INSL6: variants seen among roughly 807,000 people sequenced by gnomAD.
INSL6 encodes insulin-like peptide INSL6.
In INSL6, 16 loss-of-function variants were observed where a neutral mutation model predicts 9.4. The observed-to-expected ratio is 1.70, with a 90% confidence interval of 1.15 to 2.59. The LOEUF is 2.59. INSL6 is among the 30% of genes most tolerant of loss of function. INSL6 has a pLI of 0.00. For missense variants in INSL6, 391 were observed against 257.3 expected (o/e 1.52, Z -3.56); for synonymous variants, 154 against 96.9 (o/e 1.59, Z -3.46).
chr9:5,182,015 C>T (rs1300450550), intron 1 of INSL6, among the ~76,000 whole-genome samples: 2 of 152,132 alleles, frequency 1.3e-5, no homozygotes, highest in Non-Finnish European at 2.9e-5. Flanking sequence ...TGATACTCCT[C>T]AGGCAAATTA....
downstream of INSL6, among the ~76,000 whole-genome samples, chr9:5,121,369 G>T (rs550488771): frequency 9.2e-5 from 14 of 152,282 alleles, no homozygotes; most frequent in South Asian, 2.9e-3. Context: ...AGACTTGACA[G>T]CACTATTTGC....
the INSL6 span, chr9:5,100,631 G>A: frequency 6.6e-6 from 1 of 152,234 alleles, no homozygotes; most frequent in Non-Finnish European, 1.5e-5. Flanking sequence ...GTACCTTTCT[G>A]AATACATCTG....
chr9:5,007,392 C>T, the INSL6 span, among the ~76,000 whole-genome samples: 1 of 151,942 alleles, frequency 6.6e-6, no homozygotes, highest in Non-Finnish European at 1.5e-5. Flanking sequence ...AGTTATTTTT[C>T]TGTATATGCT....
the INSL6 span, among the ~76,000 whole-genome samples, chr9:5,015,223 C>T: frequency 6.6e-6 from 1 of 152,078 alleles, no homozygotes; most frequent in Admixed American, 6.6e-5. Flanking sequence ...GAAGCTGAGG[C>T]GCAATGAATA....
the INSL6 span, among the ~76,000 whole-genome samples, chr9:5,076,895 T>C: frequency 6.6e-6 from 1 of 152,132 alleles, no homozygotes; most frequent in Non-Finnish European, 1.5e-5. Flanking sequence ...AGGATTGTTT[T>C]TGGAAGCCAA....
chr9:5,086,245 G>T, the INSL6 span: 2 of 564,526 alleles, frequency 3.5e-6, no homozygotes, highest in Non-Finnish European at 4.6e-6. Context: ...AGTCGCGGTA[G>T]GATGGTGGCT....
chr9:5,057,214 G>C, the INSL6 span, among the ~76,000 whole-genome samples: 1 of 149,120 alleles, frequency 6.7e-6, no homozygotes, highest in Non-Finnish European at 1.5e-5. Context: ...TTTTTCTGTT[G>C]TTTATTAAAA....
chr9:5,016,909 C>T, the INSL6 span, among the ~76,000 whole-genome samples: 14 of 152,102 alleles, frequency 9.2e-5, no homozygotes, highest in South Asian at 2.1e-4. Context: ...TAGCATTTGA[C>T]GGCATAGTAG....
the INSL6 span, among the ~76,000 whole-genome samples, chr9:5,087,511 A>C: frequency 7.7e-6 from 1 of 129,718 alleles, no homozygotes; most frequent in African/African-American, 3.5e-5. Context: ...CCTATCTCAA[A>C]CCCTTCTGGT....
the INSL6 span, chr9:5,098,720 G>C: frequency 3.3e-5 from 5 of 149,816 alleles, no homozygotes; most frequent in Admixed American, 2.0e-4. Context: ...TTGAGACAGA[G>C]TCTCGCTCTG....
chr9:5,075,726 C>G, the INSL6 span, among the ~76,000 whole-genome samples: 2 of 152,188 alleles, frequency 1.3e-5, no homozygotes, highest in Non-Finnish European at 2.9e-5. Flanking sequence ...GGTGACACAA[C>G]ATCCATTCTG....
At chr9:5,052,648 T>A in the INSL6 span, among the ~76,000 whole-genome samples, 2 of 152,088 alleles carry the variant, frequency 1.3e-5, no homozygotes, top group East Asian at 3.8e-4. Flanking sequence ...TCAGTCCTCA[T>A]CCCACTTTCC....
chr9:5,025,538 CTT>C, the INSL6 span, among the ~76,000 whole-genome samples: 4 of 140,320 alleles, frequency 2.9e-5, no homozygotes, highest in African/African-American at 2.6e-5. Flanking sequence ...AGTTTGTTTC[CTT>C]TTTTTTTTTT....
At chr9:5,170,447 C>T (rs1455263957) in intron 1 of INSL6, among the ~76,000 whole-genome samples, 2 of 151,818 alleles carry the variant, frequency 1.3e-5, no homozygotes, top group Non-Finnish European at 2.9e-5. Flanking sequence ...AAGTAGAGAA[C>T]CAAGAGCAAA....
At chr9:5,041,060 C>T in the INSL6 span, 17 of 687,180 alleles carry the variant, frequency 2.5e-5, no homozygotes, top group Non-Finnish European at 4.5e-5. Context: ...CCATAGAGGG[C>T]GTCCCTCAGG....
At chr9:5,048,557 A>G in the INSL6 span, among the ~76,000 whole-genome samples, 1 of 152,188 alleles carries the variant, frequency 6.6e-6, no homozygotes, top group African/African-American at 2.4e-5. Flanking sequence ...GTGTGGTGAA[A>G]TAAGTGTTTA....
chr9:5,170,014 G>C (rs1825142346), intron 1 of INSL6, among the ~76,000 whole-genome samples: 1 of 152,176 alleles, frequency 6.6e-6, no homozygotes, highest in Non-Finnish European at 1.5e-5. Context: ...GGATCAAATG[G>C]ACCTGATAGA....
rs770959957 is a variant in INSL6 at position 5,137,288 on chromosome 9, C to CA, written c.377-3697dup. ...AACTACTTTAAATTTCATATGGAACCAAAAAAAAGAGCCTGCATAGCCAAG... is the reference window on the plus strand; with the variant it reads ...AACTACTTTAAATTTCATATGGAACCAAAAAAAAAGAGCCTGCATAGCCAAG... On this transcript the variant is annotated intron_variant, in intron 2 of 3. Coordinates refer to the INSL6 transcript ENST00000649639. 1.3e-3 allele frequency among the ~76,000 whole-genome samples: 199 copies of CA among 151,426 alleles called. 1 individual carries two copies. Among genetic ancestry groups the CA allele is most frequent in the African/African-American group, 3.1e-3 (128 of 41,298 alleles).
rs148156193 is a variant in INSL6, at chr9:5,152,091, G to A, written c.376+12088C>T. 2.9e-3 allele frequency among the ~76,000 whole-genome samples: 445 copies of A among 152,088 alleles called. 4 individuals carry two copies. The highest frequency in any genetic ancestry group is 9.3e-3 in the African/African-American group (386 of 41,510). Reference sequence around the variant, plus strand: ...TGAAATACATTAAGAACGAATGCATGAAAAAAATATAAATGACCTGAGAAG... The same window carrying A: ...TGAAATACATTAAGAACGAATGCATAAAAAAAATATAAATGACCTGAGAAG... On this transcript the variant is annotated intron_variant, in intron 2 of 3. Transcript: ENST00000649639.
Sources: gnomAD v4.1 joint callset for allele counts (sites outside exome capture counted in the v4.1 genomes callset) on GRCh38, gnomAD v4.1.1 for gene constraint, MANE v1.5 for transcripts, NCBI Gene and HGNC (gene_info 2026-07-23, HGNC 2026-07-21) for gene names.